The following GPR137C variants were observed in gnomAD, a reference collection of about 807,000 sequenced individuals.
The protein encoded by GPR137C is G protein-coupled receptor 137C.
In GPR137C, 27 loss-of-function variants were observed where a neutral mutation model predicts 43.4. The observed-to-expected ratio is 0.62, with a 90% CI of 0.46 to 0.86. The LOEUF (loss-of-function observed/expected upper bound fraction) is 0.86, where lower values mean the gene tolerates loss of function less well. Among genes scored for constraint, GPR137C ranks in the 40% least tolerant of loss-of-function variants. GPR137C has a pLI of 0.00. For missense variants in GPR137C, 522 were observed against 534.6 expected, an observed-to-expected ratio of 0.98 and a Z score of 0.23; for synonymous variants, 285 against 226.9, an observed-to-expected ratio of 1.26 and a Z score of -2.30.
intron 1 of GPR137C, among the ~76,000 whole-genome samples, chr14:52,592,916 A>G (rs1264867081): frequency 6.6e-6 from 1 of 152,184 alleles, no homozygotes; most frequent in Non-Finnish European, 1.5e-5. Flanking sequence ...ACCGATTTTC[A>G]AAGGGAGTGC....
intron 3 of GPR137C, among the ~76,000 whole-genome samples, chr14:52,621,795 C>T (rs968800531): frequency 4.1e-4 from 62 of 151,526 alleles, no homozygotes; most frequent in African/African-American, 1.5e-3. Flanking sequence ...CCATCACACT[C>T]CTAAAAATTA....
In GPR137C at chr14:52,553,178, G is replaced by T; in HGVS notation, c.31G>T (p.Ala11Ser). Residue 11 changes from alanine (A) to serine (S), a missense_variant, in exon 1 of 7, where the codon GCT (alanine) becomes TCT (serine). Transcript: ENST00000321662. MRVSVPGPAA[A>S]AAPAAGREPS... Reference sequence around the variant, plus strand: ...GGTGTCCGTGCCGGGTCCGGCGGCCGCTGCCGCCCCCGCAGCCGGCCGCGA... The same window carrying T: ...GGTGTCCGTGCCGGGTCCGGCGGCCTCTGCCGCCCCCGCAGCCGGCCGCGA... 1 of 1,188,690 alleles carries T rather than the reference G, an allele frequency of 8.4e-7. No individual in the cohort carries two copies. The highest frequency in any genetic ancestry group is 4.2e-5 in the South Asian group (1 of 23,944). 73.6% of individuals were successfully genotyped at this position (1,188,690 alleles called of 1,614,324 possible).
intron 1 of GPR137C, among the ~76,000 whole-genome samples, chr14:52,575,830 A>G (rs1382815472): frequency 1.3e-5 from 2 of 152,224 alleles, no homozygotes; most frequent in South Asian, 2.1e-4. Context: ...TTTGTTATCC[A>G]TAAAACTAAG....
In GPR137C at chr14:52,618,833, G is replaced by A. The variant is rs79288887; in HGVS notation, c.718-13327G>A. ...CAAACCAGCTAGATGCTTAGTCCCC[G>A]AGATAGCAAGTTGGGATTCTTTGTC... On this transcript the variant is annotated intron_variant, in intron 3 of 6. Transcript: ENST00000321662. Among the ~76,000 whole-genome samples the A allele has an allele frequency of 7.6e-3, 1,156 of 152,126 alleles. 12 individuals are homozygous for A. The highest frequency in any genetic ancestry group is 0.036 in the Admixed American group (550 of 15,286).
chr14:52,596,132 TGGGTATCACCA>T (rs1175661716), intron 1 of GPR137C, among the ~76,000 whole-genome samples: 13 of 152,232 alleles, frequency 8.5e-5, no homozygotes, highest in Admixed American at 8.5e-4. Context: ...CCTATTTGCC[TGGGTATCACCA>T]GGGGAGGCTG....
In GPR137C at chr14:52,553,553, T is replaced by G. The variant is rs2038130452; in HGVS notation, c.406T>G (p.Phe136Val). 1 of 1,607,090 alleles carries G rather than the reference T, an allele frequency of 6.2e-7. No homozygotes were observed. Among genetic ancestry groups the G allele is most frequent in the African/African-American group, 1.3e-5 (1 of 74,852 alleles). The stretch of plus-strand genomic sequence containing the variant: ...CTACTGCTTCCCCTCCTGTCTCCAG[T>G]TCTCCACGCTCTGTCTCCTCAACCT... ...LLYCFPSCLQ[F>V]STLCLLNLYL... The change falls in exon 1 of 7, where the codon TTC becomes GTC. Residue 136 changes from phenylalanine to valine, a missense_variant. By Grantham distance (50) the Phe-to-Val change is conservative. Transcript: ENST00000321662.
chr14:52,599,949 C>G (rs185959450), intron 2 of GPR137C, among the ~76,000 whole-genome samples, 164 bp from the exon 3 acceptor site: 27 of 152,256 alleles, frequency 1.8e-4, no homozygotes, highest in African/African-American at 6.3e-4. Flanking sequence ...AAACTGAGTT[C>G]AAGTCAACCT....
At chr14:52,566,611 A>G (rs534230801) in intron 1 of GPR137C, among the ~76,000 whole-genome samples, 8 of 152,368 alleles carry the variant, frequency 5.3e-5, no homozygotes, top group African/African-American at 1.7e-4. Context: ...TTAAGTCAGA[A>G]TAGAGCATAT....
intron 1 of GPR137C, among the ~76,000 whole-genome samples, chr14:52,574,804 C>T (rs2038526692): frequency 1.3e-5 from 2 of 152,146 alleles, no homozygotes; most frequent in African/African-American, 4.8e-5. Context: ...GCTCCTTTTT[C>T]CCCCACCATT....
At chr14:52,632,427 G>A in intron 4 of GPR137C, 118 bp downstream of exon 4, 2 of 692,510 alleles carry the variant, frequency 2.9e-6, no homozygotes, top group East Asian at 2.7e-5. Flanking sequence ...TCTACTGTCA[G>A]TAATCATACT....
In GPR137C at chr14:52,553,131, C is replaced by T. The variant is rs1345584431; in HGVS notation, c.-17C>T. 2.6e-6 allele frequency: 3 copies of T among 1,161,598 alleles called. No individual in the cohort carries two copies. Among genetic ancestry groups the T allele is most frequent in the Non-Finnish European group, 3.2e-6 (3 of 944,200 alleles). The allele number at this position is 1,161,598 out of a possible 1,614,324, so 72.0% of individuals were successfully genotyped here. On this transcript the variant is annotated 5_prime_UTR_variant, in exon 1 of 7. Transcript: ENST00000321662. ...CCCTTCCTTCCCGCGCTCGCTCGCCCGGCCCCCAGCCCCCTCATGAGGGTG... is the reference window on the plus strand; with the variant it reads ...CCCTTCCTTCCCGCGCTCGCTCGCCTGGCCCCCAGCCCCCTCATGAGGGTG...
At chr14:52,556,245 A>G (rs976642840) in intron 1 of GPR137C, among the ~76,000 whole-genome samples, 1 of 152,128 alleles carries the variant, frequency 6.6e-6, no homozygotes, top group Non-Finnish European at 1.5e-5. Flanking sequence ...TCTGATTCTC[A>G]CTAAGAGTAG....
rs761948230 is a variant in GPR137C at position 52,634,922 on chromosome 14, CT to C, written c.1113-8del. On this transcript the variant is annotated splice_polypyrimidine_tract_variant and intron_variant, in intron 6 of 6. Transcript: ENST00000321662. The stretch of plus-strand genomic sequence containing the variant: ...GATCATAGTCCTATGGTCTTTTTGC[CT>C]TTTTTTTGTTGCAGTTTACCAAATT... The C allele has an allele frequency of 2.9e-5, 47 of 1,602,268 alleles. No individual in the cohort carries two copies. Among genetic ancestry groups the C allele is most frequent in the Admixed American group, 1.7e-4 (10 of 58,488 alleles).
At chr14:52,620,292 T>G (rs2039145524) in intron 3 of GPR137C, among the ~76,000 whole-genome samples, 1 of 151,956 alleles carries the variant, frequency 6.6e-6, no homozygotes, top group African/African-American at 2.4e-5. Flanking sequence ...TATTATAAAG[T>G]CTGTCAAAAT....
At position 52,592,427 on chromosome 14, in the gene GPR137C, G is replaced by A. The variant is rs1397559951; in HGVS notation, c.445-5845G>A. On this transcript the variant is annotated intron_variant, in intron 1 of 6. Coordinates refer to ENST00000321662, the MANE Select transcript of GPR137C (RefSeq NM_001099652.2). ...ATCTATAAATTACCTTGGGCAGTAT[G>A]GGCATTTTCATGATACTGCTTCTTC... is the stretch of plus-strand genomic sequence containing the variant. Among the ~76,000 whole-genome samples, 3 of 152,160 alleles carry A rather than the reference G, an allele frequency of 2.0e-5. No individual in the cohort carries two copies. In the South Asian group the frequency reaches 6.2e-4, roughly 32 times the overall value.
chr14:52,635,234 G>A lies in GPR137C; in HGVS notation c.*119G>A. The A allele has an allele frequency of 1.3e-6, 1 of 755,440 alleles. No homozygotes were observed. Among genetic ancestry groups the A allele is most frequent in the East Asian group, 3.0e-5 (1 of 33,690 alleles). The allele number at this position is 755,440 out of a possible 1,614,324, so 46.8% of individuals were successfully genotyped here. A position where few individuals can be genotyped will look rare whatever the true frequency, so the allele number is the denominator to read the frequency against. On this transcript the variant is annotated 3_prime_UTR_variant, in exon 7 of 7. Transcript: ENST00000321662. ...TTGCAACTGAAAACAAAATCTGGAA[G>A]TGTGGCTGTGTTTGGTAAATAACAC...
At chr14:52,566,530 A>G (rs1275890296) in intron 1 of GPR137C, among the ~76,000 whole-genome samples, 1 of 152,186 alleles carries the variant, frequency 6.6e-6, no homozygotes, top group African/African-American at 2.4e-5. Flanking sequence ...TTAAGTGCCC[A>G]ATTGGCATTT....
rs185593345 is a variant in GPR137C at position 52,627,575 on chromosome 14, G to A, written c.718-4585G>A. Among the ~76,000 whole-genome samples the A allele has an allele frequency of 1.8e-4, 28 of 152,094 alleles. No individual in the cohort carries two copies. In the East Asian group the frequency reaches 3.7e-3, roughly 20 times the overall value. ...TTAAAGTGTGCTGTCTGGGCAGTGC[G>A]GTGGCTCACGTCTGTAATCCCAGCA... On this transcript the variant is annotated intron_variant, in intron 3 of 6. Coordinates refer to ENST00000321662, the MANE Select transcript of GPR137C (RefSeq NM_001099652.2).
At chr14:52,621,039 A>G (rs1465146364) in intron 3 of GPR137C, among the ~76,000 whole-genome samples, 2 of 151,918 alleles carry the variant, frequency 1.3e-5, no homozygotes, top group African/African-American at 4.8e-5. Context: ...AAAGACATAA[A>G]TTATAAATTT....
Sources: gnomAD v4.1 joint callset for allele counts (sites outside exome capture counted in the v4.1 genomes callset) on GRCh38, gnomAD v4.1.1 for gene constraint, MANE v1.5 for transcripts, NCBI Gene and HGNC (gene_info 2026-07-23, HGNC 2026-07-21) for gene names.